The following KHK variants were observed in gnomAD, a reference collection of about 807,000 sequenced individuals.
KHK encodes the protein fructokinase.
In KHK, 37 loss-of-function variants were observed where a neutral mutation model predicts 36.0. That is an observed-to-expected ratio of 1.03 (90% CI 0.79 to 1.35). KHK has a LOEUF of 1.35. Ranked by LOEUF, KHK falls within the 40% of genes most tolerant of loss-of-function variation. The pLI, the probability that KHK is intolerant of heterozygous loss-of-function variation, is 0.00. For missense variants in KHK, 395 were observed against 391.9 expected (o/e 1.01, Z -0.07); for synonymous variants, 161 against 162.8 (o/e 0.99, Z 0.08).
Position 27,099,946 on chromosome 2 carries a change from G to A in KHK, c.*196G>A. The A allele has an allele frequency of 8.0e-7, 1 of 1,245,476 alleles. No homozygotes were observed. The highest frequency in any genetic ancestry group is 1.1e-6 in the Non-Finnish European group (1 of 872,370). 77.2% of individuals were successfully genotyped at this position (1,245,476 alleles called of 1,614,324 possible). A position where few individuals can be genotyped will look rare whatever the true frequency, so the allele number is the denominator to read the frequency against. On this transcript the variant is annotated 3_prime_UTR_variant, in exon 8 of 8. Transcript: ENST00000260598. ...TGGCTGGGGGATGCAGAGCCTCAGA[G>A]CAAATAAATCTTCCTCAGAGCCAGC... is the stretch of plus-strand genomic sequence containing the variant.
At position 27,097,498 on chromosome 2, in the gene KHK, A is replaced by G. The variant is rs750189672; in HGVS notation, c.418-5A>G. On this transcript the variant is annotated splice_region_variant and splice_polypyrimidine_tract_variant and intron_variant, in intron 4 of 7. Transcript: ENST00000260598. ...GCGGTCCTGAGCTGCCCTGTCCTGTACCAGGGCCGGAACGCATCGGAGCAG... is the reference window on the plus strand; with the variant it reads ...GCGGTCCTGAGCTGCCCTGTCCTGTGCCAGGGCCGGAACGCATCGGAGCAG... The G allele has an allele frequency of 2.1e-5, 34 of 1,613,268 alleles. No homozygotes were observed. The highest frequency in any genetic ancestry group is 2.9e-5 in the Non-Finnish European group (34 of 1,180,026).
At chr2:27,095,048 A>G in intron 3 of KHK, 114 bp downstream of exon 3, 1 of 1,252,468 alleles carries the variant, frequency 8.0e-7, no homozygotes, top group Non-Finnish European at 1.2e-6. Context: ...TCTGTGTACC[A>G]GAAGTTGCTC....
At chr2:27,094,546 C>G in intron 2 of KHK, 1 of 1,614,148 alleles carries the variant, frequency 6.2e-7, no homozygotes, top group Non-Finnish European at 8.5e-7. Flanking sequence ...CCACAGGCTC[C>G]GTCCCCATCG....
rs772283160 is a variant in KHK, at chr2:27,087,233, C to T, written c.-27C>T. 16 of 1,554,096 alleles carry T rather than the reference C, an allele frequency of 1.0e-5. No individual in the cohort carries two copies. In the Admixed American group the frequency reaches 3.0e-4, roughly 30 times the overall value. The stretch of plus-strand genomic sequence containing the variant: ...GCCGGGAGGAACCCCGTCAGCCGGG[C>T]GGGCAGGAAGCTCTGGGAGTAGCCT... On this transcript the variant is annotated 5_prime_UTR_variant, in exon 1 of 8. Transcript: ENST00000260598.
intron 1 of KHK, 66 bp from the exon 2 acceptor site, chr2:27,092,266 C>G: frequency 8.3e-7 from 1 of 1,209,318 alleles, no homozygotes; most frequent in Non-Finnish European, 1.2e-6. Context: ...CTGTAGGCCC[C>G]TATACAGGAG....
chr2:27,094,288 C>T, intron 2 of KHK: 1 of 700,768 alleles, frequency 1.4e-6, no homozygotes, highest in South Asian at 1.5e-5. Flanking sequence ...CTCTGAGCTC[C>T]AGGCTCTGCA....
At chr2:27,094,356 C>A in intron 2 of KHK, 1 of 1,173,584 alleles carries the variant, frequency 8.5e-7, no homozygotes, top group Non-Finnish European at 1.3e-6. Flanking sequence ...TCCCAGTTCT[C>A]TCCCAGCCCC....
At chr2:27,088,875 C>T (rs1056259707) in intron 1 of KHK, among the ~76,000 whole-genome samples, 11 of 152,112 alleles carry the variant, frequency 7.2e-5, no homozygotes, top group African/African-American at 1.9e-4. Flanking sequence ...TATCAGTTGT[C>T]GCAGCTAAGA....
chr2:27,093,553 A>G (rs1301381239), intron 2 of KHK, among the ~76,000 whole-genome samples: 1 of 152,212 alleles, frequency 6.6e-6, no homozygotes, highest in African/African-American at 2.4e-5. Flanking sequence ...ATGCTTTGGG[A>G]AAGTTACTAT....
Position 27,097,501 on chromosome 2 carries a change from A to G in KHK, c.418-2A>G. 6.2e-7 allele frequency: 1 copy of G among 1,613,478 alleles called. No homozygotes were observed. The highest frequency in any genetic ancestry group is 8.5e-7 in the Non-Finnish European group (1 of 1,180,022). On this transcript the variant is annotated splice_acceptor_variant, in intron 4 of 7. Coordinates refer to ENST00000260598, the MANE Select transcript of KHK (RefSeq NM_006488.3). LOFTEE classifies it high-confidence loss of function. ...GTCCTGAGCTGCCCTGTCCTGTACC[A>G]GGGCCGGAACGCATCGGAGCAGGTG...
rs1435135937 is a variant in KHK at position 27,087,275 on chromosome 2, A to C, written c.16A>C (p.Ile6Leu). The C allele has an allele frequency of 6.3e-7, 1 of 1,596,336 alleles. No individual in the cohort carries two copies. Among genetic ancestry groups the C allele is most frequent in the Non-Finnish European group, 8.5e-7 (1 of 1,171,030 alleles). The change falls in exon 1 of 8, where the codon ATC (isoleucine) becomes CTC (leucine). Residue 6 changes from isoleucine to leucine, a missense_variant. Physicochemically the swap from Ile to Leu is conservative, Grantham distance 5. Transcript: ENST00000260598. MEEKQILCVGLVVLDV... is the reference protein window; with the variant it reads MEEKQLLCVGLVVLDV... Reference sequence around the variant, plus strand: ...GAGTAGCCTCATGGAAGAGAAGCAGATCCTGTGCGTGGGGCTAGTGGTGCT... The same window carrying C: ...GAGTAGCCTCATGGAAGAGAAGCAGCTCCTGTGCGTGGGGCTAGTGGTGCT...
chr2:27,096,592 T>C (rs1572871906), intron 3 of KHK, 137 bp from the exon 4 acceptor site: 1 of 763,384 alleles, frequency 1.3e-6, no homozygotes. Context: ...AGCCTGAGAA[T>C]CCTGTGCTGT....
At chr2:27,096,211 A>T (rs1572870991) in intron 3 of KHK, among the ~76,000 whole-genome samples, 1 of 152,296 alleles carries the variant, frequency 6.6e-6, no homozygotes, top group East Asian at 1.9e-4. Context: ...GGCCAAACAC[A>T]AACTCTTCCT....
rs1002210485 is a variant in KHK at position 27,092,339 on chromosome 2, T to C, written c.100T>C (p.Ser34Pro). 6.2e-7 allele frequency: 1 copy of C among 1,612,736 alleles called. No individual in the cohort carries two copies. Among genetic ancestry groups the C allele is most frequent in the African/African-American group, 1.3e-5 (1 of 75,054 alleles). ...PKEDSEIRCL[S>P]QRWQRGGNAS... ...CCTCCCTGTGCTTTGCAGGTGTTTG[T>C]CCCAGAGATGGCAGCGCGGAGGCAA... Residue 34 changes from serine (S) to proline (P), a missense_variant, in exon 2 of 8, where the codon TCC becomes CCC. Physicochemically the swap from Ser to Pro is moderately conservative, Grantham distance 74. Coordinates refer to ENST00000260598, the MANE Select transcript of KHK (RefSeq NM_006488.3).
chr2:27,090,452 C>CTTT lies in KHK; in HGVS notation c.93-1863_93-1861dup, dbSNP rs559420015. Among the ~76,000 whole-genome samples the CTTT allele has an allele frequency of 4.4e-4, 49 of 110,118 alleles. 1 individual carries two copies. Among genetic ancestry groups the CTTT allele is most frequent in the South Asian group, 8.9e-4 (3 of 3,376 alleles). 72.2% of individuals were successfully genotyped at this position (110,118 alleles called of 152,430 possible). ...AAAATCTTTTTTTTCTTTTTTCTTT[C>CTTT]TTTTTTTTTTTTTTTTTTTGGAGAC... On this transcript the variant is annotated intron_variant, in intron 1 of 7. Coordinates refer to ENST00000260598, the MANE Select transcript of KHK (RefSeq NM_006488.3).
At chr2:27,098,672 G>A (rs1034298493) in intron 5 of KHK, among the ~76,000 whole-genome samples, 5 of 152,134 alleles carry the variant, frequency 3.3e-5, no homozygotes, top group Non-Finnish European at 5.9e-5. Context: ...TGTAGGTAGT[G>A]TTGAGGGAGC....
chr2:27,094,301 C>G (rs1670188734), intron 2 of KHK: 1 of 744,998 alleles, frequency 1.3e-6, no homozygotes, highest in African/African-American at 1.7e-5. Flanking sequence ...GCTCTGCACT[C>G]CTGCATCTCC....
At chr2:27,096,847 C>T (rs956828607) in intron 4 of KHK, 46 bp downstream of exon 4, 2 of 1,382,154 alleles carry the variant, frequency 1.4e-6, no homozygotes, top group East Asian at 2.3e-5. Context: ...ACCTGCCAGC[C>T]TCCTCCACAT....
At chr2:27,089,246 CCTTTG>C (rs1359083036) in intron 1 of KHK, among the ~76,000 whole-genome samples, 3 of 151,974 alleles carry the variant, frequency 2.0e-5, no homozygotes, top group Non-Finnish European at 2.9e-5. Context: ...TGGAGTTGAC[CCTTTG>C]CTTTGGTTTG....
Sources: allele counts gnomAD v4.1 joint callset (sites outside exome capture counted in the v4.1 genomes callset), GRCh38; gene constraint gnomAD v4.1.1; transcripts MANE v1.5; gene names NCBI Gene and HGNC (gene_info 2026-07-23, HGNC 2026-07-21).